PLXDC2: variants seen among roughly 807,000 people sequenced by gnomAD.
PLXDC2 encodes plexin domain-containing protein 2.
PLXDC2 carries 40 observed loss-of-function variants against 68.9 expected under a neutral mutation model. The observed-to-expected ratio is 0.58, with a 90% CI of 0.45 to 0.76. PLXDC2 has a LOEUF of 0.76. Among genes scored for constraint, PLXDC2 ranks in the 30% least tolerant of loss-of-function variants. The probability of loss-of-function intolerance (pLI) is 0.00; values close to 1 mark genes in which losing one functional copy is unlikely to be tolerated. For synonymous variants in PLXDC2, 243 were observed against 234.2 expected (o/e 1.04, Z -0.34); for missense variants, 644 against 661.9 (o/e 0.97, Z 0.30).
intron 6 of PLXDC2, among the ~76,000 whole-genome samples, chr10:20,154,985 A>G (rs958391789): frequency 1.3e-5 from 2 of 152,192 alleles, no homozygotes; most frequent in Middle Eastern, 3.4e-3. Flanking sequence ...TTCAGCAGCA[A>G]ATTTTAGAGG....
intron 4 of PLXDC2, among the ~76,000 whole-genome samples, chr10:20,088,023 C>A (rs1460391343): frequency 6.6e-6 from 1 of 152,160 alleles, no homozygotes; most frequent in Non-Finnish European, 1.5e-5. Flanking sequence ...GGGATAAGTT[C>A]CTCTGGAACA....
intron 13 of PLXDC2, among the ~76,000 whole-genome samples, chr10:20,266,363 G>GA (rs76205538): frequency 5.9e-4 from 76 of 128,616 alleles, no homozygotes; most frequent in East Asian, 1.8e-3. Context: ...AATTGTTGGG[G>GA]AAAAAAAAAA....
intron 9 of PLXDC2, among the ~76,000 whole-genome samples, chr10:20,187,323 T>C (rs1834698938): frequency 6.6e-6 from 1 of 151,826 alleles, no homozygotes; most frequent in African/African-American, 2.4e-5. Flanking sequence ...CAAAATTTCT[T>C]TTTTGTAGAT....
At chr10:19,902,399 G>C (rs1221289069) in intron 1 of PLXDC2, among the ~76,000 whole-genome samples, 1 of 152,040 alleles carries the variant, frequency 6.6e-6, no homozygotes, top group African/African-American at 2.4e-5. Context: ...CCTTGGTAAG[G>C]TACATTCCTA....
intron 2 of PLXDC2, among the ~76,000 whole-genome samples, chr10:20,041,557 TC>T (rs772603349): frequency 8.5e-4 from 129 of 152,316 alleles, no homozygotes; most frequent in Non-Finnish European, 1.4e-3. Context: ...AGTCTTAATC[TC>T]AGAAAAATAT....
chr10:20,180,792 G>A (rs1834593135), intron 9 of PLXDC2, among the ~76,000 whole-genome samples: 1 of 152,054 alleles, frequency 6.6e-6, no homozygotes, highest in South Asian at 2.1e-4. Flanking sequence ...AGGAACATAA[G>A]GAGATCCATG....
intron 3 of PLXDC2, among the ~76,000 whole-genome samples, chr10:20,048,812 A>C (rs1351199275): frequency 6.6e-6 from 1 of 152,068 alleles, no homozygotes; most frequent in Non-Finnish European, 1.5e-5. Context: ...TTCTCTTTGC[A>C]ATAGGTTTTA....
At chr10:20,107,847 C>G (rs1416907524) in intron 4 of PLXDC2, among the ~76,000 whole-genome samples, 1 of 151,662 alleles carries the variant, frequency 6.6e-6, no homozygotes, top group East Asian at 1.9e-4. Flanking sequence ...TTATCTGAAA[C>G]AAAACAATTT....
chr10:20,001,438 T>C (rs1834935212), intron 1 of PLXDC2, among the ~76,000 whole-genome samples: 1 of 152,202 alleles, frequency 6.6e-6, no homozygotes, highest in Admixed American at 6.5e-5. Context: ...TAGCTTGCTT[T>C]CTCAGAACAG....
chr10:19,987,706 C>T (rs578012765), intron 1 of PLXDC2, among the ~76,000 whole-genome samples: 2 of 151,858 alleles, frequency 1.3e-5, no homozygotes, highest in Admixed American at 6.6e-5. Flanking sequence ...GGACTATAGG[C>T]GCCCGCCACC....
At chr10:20,082,777 C>T (rs74992248) in intron 4 of PLXDC2, among the ~76,000 whole-genome samples, 1 of 152,046 alleles carries the variant, frequency 6.6e-6, no homozygotes, top group Non-Finnish European at 1.5e-5. Flanking sequence ...CCACCTAACG[C>T]CCATCACTGA....
chr10:20,083,425 C>T (rs955852323), intron 4 of PLXDC2, among the ~76,000 whole-genome samples: 3 of 144,168 alleles, frequency 2.1e-5, no homozygotes, highest in African/African-American at 7.8e-5. Context: ...TGCAGTGAGC[C>T]GAGATCGCGC....
intron 1 of PLXDC2, among the ~76,000 whole-genome samples, chr10:19,879,486 C>T (rs773349754): frequency 1.6e-4 from 25 of 152,182 alleles, no homozygotes; most frequent in Non-Finnish European, 2.4e-4. Context: ...CAATTTTAAA[C>T]GCTCATTGTG....
intron 1 of PLXDC2, among the ~76,000 whole-genome samples, chr10:19,880,686 C>T (rs1837711271): frequency 6.6e-6 from 1 of 152,070 alleles, no homozygotes; most frequent in African/African-American, 2.4e-5. Flanking sequence ...CATGAGTTAC[C>T]TATATTCTCC....
chr10:19,951,511 G>A (rs1345254099), intron 1 of PLXDC2, among the ~76,000 whole-genome samples: 1 of 152,178 alleles, frequency 6.6e-6, no homozygotes, highest in Non-Finnish European at 1.5e-5. Context: ...ACAGGTCGTG[G>A]CAAGGCTGTG....
At chr10:20,230,397 T>C (rs1266941086) in intron 12 of PLXDC2, among the ~76,000 whole-genome samples, 1 of 152,052 alleles carries the variant, frequency 6.6e-6, no homozygotes, top group Non-Finnish European at 1.5e-5. Context: ...GTGCCAGGCA[T>C]AGTGTCTCAT....
intron 1 of PLXDC2, among the ~76,000 whole-genome samples, chr10:19,940,727 A>G (rs1418536029): frequency 6.6e-6 from 1 of 152,180 alleles, no homozygotes; most frequent in Non-Finnish European, 1.5e-5. Context: ...TTGATATTTG[A>G]AAAGAATTTA....
chr10:19,998,197 G>C (rs1053056472), intron 1 of PLXDC2, among the ~76,000 whole-genome samples: 1 of 152,162 alleles, frequency 6.6e-6, no homozygotes, highest in African/African-American at 2.4e-5. Context: ...TCTTGCTTCT[G>C]AGTAATTTGT....
chr10:20,131,228 A>C (rs757129347), intron 4 of PLXDC2, among the ~76,000 whole-genome samples: 1 of 137,418 alleles, frequency 7.3e-6, no homozygotes, highest in Non-Finnish European at 1.6e-5. Context: ...CATATTTTCT[A>C]TTCTATTTAG....
Sources: allele counts gnomAD v4.1 joint callset (sites outside exome capture counted in the v4.1 genomes callset), GRCh38; gene constraint gnomAD v4.1.1; transcripts MANE v1.5; gene names NCBI Gene and HGNC (gene_info 2026-07-23, HGNC 2026-07-21).